Variants in USP45 observed in about 807,000 individuals in gnomAD.
The protein encoded by USP45 is ubiquitin carboxyl-terminal hydrolase 45.
In USP45, 89 loss-of-function variants were observed where a neutral mutation model predicts 95.8. The ratio of observed to expected loss-of-function variants is 0.93; its 90% confidence interval spans 0.78 to 1.11. The LOEUF (loss-of-function observed/expected upper bound fraction) is 1.11. USP45 is among the 50% of genes least tolerant of loss of function. The pLI is 0.00. For missense variants in USP45, 898 were observed against 942.5 expected, an observed-to-expected ratio of 0.95 and a Z score of 0.62; for synonymous variants, 281 against 316.2, an observed-to-expected ratio of 0.89 and a Z score of 1.18.
intron 8 of USP45, among the ~76,000 whole-genome samples, chr6:99,479,595 A>G (rs1201360314): frequency 3.2e-5 from 3 of 94,596 alleles, no homozygotes; most frequent in East Asian, 3.5e-4. Context: ...TTACTATTCC[A>G]ACAGACAAAA....
intron 1 of USP45, among the ~76,000 whole-genome samples, chr6:99,511,176 T>G (rs1799691068): frequency 8.7e-6 from 1 of 114,370 alleles, no homozygotes; most frequent in African/African-American, 2.7e-5. Context: ...ACATTTATAT[T>G]ATTATTACTA....
At chr6:99,476,009 G>A in intron 9 of USP45, 134 bp downstream of exon 9, 1 of 665,290 alleles carries the variant, frequency 1.5e-6, no homozygotes, top group East Asian at 2.9e-5. Flanking sequence ...TAGAGACGAG[G>A]TTTCACTATG....
rs115530882 is a variant in USP45 at position 99,474,982 on chromosome 6, T to C, written c.933+1161A>G. ...TATCCAGTCCACAGGCTATTCCTTT[T>C]CTGAGAAATGCTCTCTCATCTAAGA... On this transcript the variant is annotated intron_variant, in intron 9 of 17. Coordinates refer to ENST00000500704, the MANE Select transcript of USP45 (RefSeq NM_001346022.3). Among the ~76,000 whole-genome samples, 1,204 of 152,316 alleles carry C rather than the reference T, an allele frequency of 7.9e-3. 16 individuals carry two copies. Among genetic ancestry groups the C allele is most frequent in the African/African-American group, 0.028 (1,154 of 41,558 alleles).
intron 1 of USP45, among the ~76,000 whole-genome samples, chr6:99,512,946 A>G (rs1474038272): frequency 2.0e-5 from 3 of 152,176 alleles, no homozygotes; most frequent in Non-Finnish European, 2.9e-5. Flanking sequence ...TATAGTGTCC[A>G]GGCTGACAAG....
At chr6:99,482,958 C>T in intron 7 of USP45, 75 bp from the exon 8 acceptor site, 1 of 1,285,158 alleles carries the variant, frequency 7.8e-7, no homozygotes, top group South Asian at 2.7e-5. Flanking sequence ...GTGAGTTACA[C>T]TCTGCTTAAA....
chr6:99,510,963 C>A (rs1032380385), intron 1 of USP45, among the ~76,000 whole-genome samples: 1 of 152,102 alleles, frequency 6.6e-6, no homozygotes, highest in Non-Finnish European at 1.5e-5. Flanking sequence ...AAATGGATAG[C>A]TGTAAGCCAA....
intron 8 of USP45, among the ~76,000 whole-genome samples, chr6:99,477,858 A>G (rs1791268265): frequency 6.6e-6 from 1 of 152,178 alleles, no homozygotes; most frequent in Admixed American, 6.6e-5. Context: ...TAGATTAGAG[A>G]TGAGGACAGA....
intron 13 of USP45, among the ~76,000 whole-genome samples, chr6:99,455,114 AAAAC>A (rs1784761171): frequency 6.6e-6 from 1 of 151,464 alleles, no homozygotes; most frequent in Admixed American, 6.6e-5. Flanking sequence ...AAAAAACAAA[AAAAC>A]AAAACACAAC....
intron 5 of USP45, among the ~76,000 whole-genome samples, chr6:99,494,634 C>T (rs1374455231): frequency 1.3e-5 from 2 of 152,128 alleles, no homozygotes; most frequent in African/African-American, 2.4e-5. Context: ...ATGGCTCATG[C>T]CTGTAATCCC....
chr6:99,482,627 T>G, intron 8 of USP45, 126 bp downstream of exon 8: 1 of 886,180 alleles, frequency 1.1e-6, no homozygotes. Context: ...GTAACAAATT[T>G]TAGTTCTCTT....
chr6:99,451,831 G>A (rs900870217), intron 13 of USP45, among the ~76,000 whole-genome samples: 33 of 152,124 alleles, frequency 2.2e-4, no homozygotes, highest in African/African-American at 8.0e-4. Flanking sequence ...CCAAAACAGA[G>A]ATATAGACCA....
Position 99,451,399 on chromosome 6 carries a change from G to C in USP45, c.1309-4936C>G, listed in dbSNP as rs370085736. On this transcript the variant is annotated intron_variant, in intron 13 of 17. Transcript: ENST00000500704. ...TTCTTATACACCAATAATAGACAGA[G>C]AGCCAAATCATGAGTGAACTCCCAT... Among the ~76,000 whole-genome samples the C allele has an allele frequency of 2.8e-3, 427 of 152,020 alleles. 2 individuals carry two copies. The highest frequency in any genetic ancestry group is 9.7e-3 in the African/African-American group (402 of 41,534).
At chr6:99,479,692 CTAAGAA>C (rs879399628) in intron 8 of USP45, among the ~76,000 whole-genome samples, 10 of 140,670 alleles carry the variant, frequency 7.1e-5, no homozygotes, top group Non-Finnish European at 1.2e-4. Context: ...AAAAGAAAAA[CTAAGAA>C]TAATTGGGAA....
chr6:99,516,995 C>T (rs981796774), upstream of USP45, among the ~76,000 whole-genome samples: 12 of 152,166 alleles, frequency 7.9e-5, no homozygotes, highest in East Asian at 9.6e-4. Flanking sequence ...TTCTTGGAAA[C>T]GACAAAATTC....
rs1781932183 is a variant in USP45 at position 99,443,661 on chromosome 6, T to G, written c.1977A>C (p.Glu659Asp). The change falls in exon 15 of 18, where the codon GAA becomes GAC. Residue 659 changes from glutamate to aspartate, a missense_variant and splice_region_variant. By Grantham distance (45) the Glu-to-Asp change is conservative. Coordinates refer to ENST00000500704, the MANE Select transcript of USP45 (RefSeq NM_001346022.3). Reference protein sequence around the residue: ...QKYQEETSFAEKKVEGVYTNA... With the variant: ...QKYQEETSFADKKVEGVYTNA... ...TAGTATAAACTCCTTCTACTTTCTT[T>G]TCTACATAAAATACAATAAATTTAT... 1 of 1,568,284 alleles carries G rather than the reference T, an allele frequency of 6.4e-7. No homozygotes were observed. The highest frequency in any genetic ancestry group is 1.4e-5 in the African/African-American group (1 of 73,804).
intron 5 of USP45, among the ~76,000 whole-genome samples, chr6:99,503,492 C>T (rs1583439145): frequency 1.3e-5 from 2 of 151,976 alleles, no homozygotes; most frequent in South Asian, 2.1e-4. Flanking sequence ...CTACCGTACC[C>T]GGCTAATTTT....
At chr6:99,455,819 TAAAAAAAAAA>T (rs35285232) in intron 13 of USP45, among the ~76,000 whole-genome samples, 3 of 44,338 alleles carry the variant, frequency 6.8e-5, no homozygotes, top group African/African-American at 9.7e-5. Flanking sequence ...ATGTGAGAGC[TAAAAAAAAAA>T]AAAAAAAAAA....
intron 7 of USP45, among the ~76,000 whole-genome samples, chr6:99,483,530 T>C (rs33988524): frequency 0.11 from 16,409 of 152,136 alleles, 1,184 homozygotes; most frequent in African/African-American, 0.21. Context: ...AAATATAAAC[T>C]TGGGACATTA....
chr6:99,468,114 A>G, intron 10 of USP45: 1 of 455,776 alleles, frequency 2.2e-6, no homozygotes, highest in Non-Finnish European at 4.4e-6. Context: ...ACTCTCTTCA[A>G]TAAACGGTTT....
Sources: gnomAD v4.1 joint callset for allele counts (sites outside exome capture counted in the v4.1 genomes callset) on GRCh38, gnomAD v4.1.1 for gene constraint, MANE v1.5 for transcripts, NCBI Gene and HGNC (gene_info 2026-07-23, HGNC 2026-07-21) for gene names.